The following TRMT2A variants were observed in gnomAD, a reference collection of about 807,000 sequenced individuals.
TRMT2A encodes the protein tRNA methyltransferase 2A, also known as tRNA (uracil-5-)-methyltransferase homolog A.
TRMT2A carries 60 observed loss-of-function variants against 59.3 expected under a neutral mutation model. The ratio of observed to expected loss-of-function variants is 1.01; its 90% CI spans 0.82 to 1.26. The LOEUF is 1.26. TRMT2A is among the 50% of genes most tolerant of loss of function. The pLI is 0.00. For synonymous variants in TRMT2A, 403 were observed against 353.7 expected (o/e 1.14, Z -1.56); for missense variants, 863 against 845.2 (o/e 1.02, Z -0.26).
At position 20,116,019 on chromosome 22, in the gene TRMT2A, G is replaced by A. The variant is rs771684569; in HGVS notation, c.599+19C>T. The A allele has an allele frequency of 1.7e-5, 26 of 1,539,372 alleles. No homozygotes were observed. The highest frequency in any genetic ancestry group is 8.7e-5 in the South Asian group (7 of 80,000). ...GGGCAGAGCCCTGGCCAAGAGGGGC[G>A]TCTTGCGCCCACACTCACTTGGCAA... On this transcript the variant is annotated intron_variant, in intron 2 of 11. Coordinates refer to ENST00000252136, the MANE Select transcript of TRMT2A (RefSeq NM_022727.6).
rs779252638 is a variant in TRMT2A at position 20,115,536 on chromosome 22, CAA to C, written c.709-91_709-90del. 8.9e-4 allele frequency: 1,398 copies of C among 1,566,228 alleles called. 3 individuals carry two copies. Among genetic ancestry groups the C allele is most frequent in the Non-Finnish European group, 1.1e-3 (1,244 of 1,148,208 alleles). On this transcript the variant is annotated intron_variant, in intron 3 of 11. Coordinates refer to ENST00000252136, the MANE Select transcript of TRMT2A (RefSeq NM_022727.6). Reference sequence around the variant, plus strand: ...TTCCCCACAGGGGCTGGCAGTCAAACAAGAGGAACAGCTGACAACTATGTGAT... The same window carrying C: ...TTCCCCACAGGGGCTGGCAGTCAAACGAGGAACAGCTGACAACTATGTGAT...
rs2050008041 is a variant in TRMT2A at position 20,116,118 on chromosome 22, G to A, written c.519C>T (p.Thr173=). 4.3e-6 allele frequency: 7 copies of A among 1,612,402 alleles called. No individual in the cohort carries two copies. The highest frequency in any genetic ancestry group is 1.7e-5 in the Admixed American group (1 of 59,954). Residue 173 remains threonine, a synonymous_variant, in exon 2 of 12, where the codon ACC becomes ACT. Transcript: ENST00000252136. Reference sequence around the variant, plus strand: ...CAGCATAGGGCACTGTCCATAGAGGGGTCACCACGTCGGCCACTCGTGTTA... The same window carrying A: ...CAGCATAGGGCACTGTCCATAGAGGAGTCACCACGTCGGCCACTCGTGTTA... ...PPVTRVADVV[T]PLWTVPYAEQ...
At chr22:20,116,822 G>A in intron 1 of TRMT2A, 61 bp downstream of exon 1, 1 of 1,408,404 alleles carries the variant, frequency 7.1e-7, no homozygotes, top group Non-Finnish European at 9.7e-7. Flanking sequence ...CAGGTTTCCT[G>A]ACCCACCCCG....
In TRMT2A at chr22:20,116,062, T is replaced by TC. The variant is rs1446309555; in HGVS notation, c.574dup (p.Glu192GlyfsTer47). The TC allele has an allele frequency of 6.4e-7, 1 of 1,569,470 alleles. No homozygotes were observed. The highest frequency in any genetic ancestry group is 1.8e-5 in the Admixed American group (1 of 55,894). On this transcript the variant is annotated frameshift_variant, in exon 2 of 12. Coordinates refer to ENST00000252136, the MANE Select transcript of TRMT2A (RefSeq NM_022727.6). LOFTEE classifies it high-confidence loss of function. ...CTTGGCAAGTTTCTGCAGCACCTGC[T>TC]CGCACTCCAGCTGCTTCCGCTCAAG...
rs561211958 is a variant in TRMT2A, at chr22:20,117,192, C to A, written c.-286G>T. 11 of 544,650 alleles carry A rather than the reference C, an allele frequency of 2.0e-5. No homozygotes were observed. The highest frequency in any genetic ancestry group is 8.1e-5 in the African/African-American group (4 of 49,556). 33.7% of individuals were successfully genotyped at this position (544,650 alleles called of 1,614,324 possible). A position where few individuals can be genotyped will look rare whatever the true frequency, so the allele number is the denominator to read the frequency against. Reference sequence around the variant, plus strand: ...CTCGCTTCGCCAGCCACTCTTAGTCCGCCAGCGCGTGCGGCGGAGGCCGAG... The same window carrying A: ...CTCGCTTCGCCAGCCACTCTTAGTCAGCCAGCGCGTGCGGCGGAGGCCGAG... On this transcript the variant is annotated 5_prime_UTR_variant, in exon 1 of 12. Transcript: ENST00000252136.
Position 20,116,447 on chromosome 22 carries a change from T to C in TRMT2A, c.190A>G (p.Arg64Gly). 2 of 1,612,832 alleles carry C rather than the reference T, an allele frequency of 1.2e-6. No individual in the cohort carries two copies. The highest frequency in any genetic ancestry group is 1.7e-5 in the Admixed American group (1 of 60,016). ...ATCTCAGAGGTAAACAAGTCATCCC[T>C]GATGTAGCTGTAGAGCCCGGGCTGA... ...GPQPGLYSYI[R>G]DDLFTSEIFK... Residue 64 changes from arginine (R) to glycine (G), a missense_variant, in exon 2 of 12, where the codon AGG (arginine) becomes GGG (glycine). By Grantham distance (125) the Arg-to-Gly change is moderately radical. Coordinates refer to ENST00000252136, the MANE Select transcript of TRMT2A (RefSeq NM_022727.6).
intron 9 of TRMT2A, 27 bp downstream of exon 9, chr22:20,113,405 A>ACCCCCCCCCC: frequency 6.7e-6 from 4 of 597,486 alleles, no homozygotes; most frequent in Non-Finnish European, 1.0e-5. Flanking sequence ...CCCCATCCCC[A>ACCCCCCCCCC]CCCCCACCCA....
In TRMT2A at chr22:20,114,836, A is replaced by G; in HGVS notation, c.1046T>C (p.Leu349Pro). 1.2e-6 allele frequency: 2 copies of G among 1,606,866 alleles called. No individual in the cohort carries two copies. Among genetic ancestry groups the G allele is most frequent in the Non-Finnish European group, 1.7e-6 (2 of 1,177,924 alleles). The change falls in exon 6 of 12, where the codon CTA (leucine) becomes CCA (proline). Residue 349 changes from leucine to proline, a missense_variant. Physicochemically the swap from Leu to Pro is moderately conservative, Grantham distance 98. Coordinates refer to ENST00000252136, the MANE Select transcript of TRMT2A (RefSeq NM_022727.6). The part of the protein sequence containing the change: ...PEELAELKTS[L>P]AQHFTAGPGR... ...TGGCCCTGCTGTGAAGTGCTGCGCT[A>G]GGGAGGTCTTCAGCTCTGCCAGCTC... is the stretch of plus-strand genomic sequence containing the variant.
At position 20,113,457 on chromosome 22, in the gene TRMT2A, G is replaced by A. The variant is rs565261087; in HGVS notation, c.1407C>T (p.Asp469=). Reference sequence around the variant, plus strand: ...CATTGTCCTGGGCGTTCACCCGGGCGTCCTCCACAGCCTCTGGGCATAGCT... The same window carrying A: ...CATTGTCCTGGGCGTTCACCCGGGCATCCTCCACAGCCTCTGGGCATAGCT... ...GVELCPEAVE[D]ARVNAQDNEL... is the part of the protein sequence containing the mutation. The change falls in exon 9 of 12, where the codon GAC becomes GAT. Residue 469 remains aspartate (D), a synonymous_variant. Coordinates refer to ENST00000252136, the MANE Select transcript of TRMT2A (RefSeq NM_022727.6). The A allele has an allele frequency of 4.4e-5, 71 of 1,612,620 alleles. No individual in the cohort carries two copies. The highest frequency in any genetic ancestry group is 1.6e-4 in the Middle Eastern group (1 of 6,080).
At chr22:20,115,604 G>A (rs953438887) in intron 3 of TRMT2A, 68 bp downstream of exon 3, 24 of 1,582,614 alleles carry the variant, frequency 1.5e-5, no homozygotes, top group Non-Finnish European at 2.0e-5. Flanking sequence ...TCAACAGGAA[G>A]GGTGAGCAAA....
In TRMT2A at chr22:20,112,779, T is replaced by C. The variant is rs764777861; in HGVS notation, c.1662A>G (p.Pro554=). The part of the protein sequence containing the change: ...MGNFVDLCRA[P]SNRVKGIPFR... The stretch of plus-strand genomic sequence containing the variant: ...AGGGAATGCCCTTCACCCGGTTAGA[T>C]GGGGCTCTGCAGAGGCTGTGGGGGG... Residue 554 remains proline (P), a synonymous_variant, in exon 12 of 12, where the codon CCA becomes CCG. Transcript: ENST00000252136. 4.3e-6 allele frequency: 7 copies of C among 1,613,122 alleles called. No homozygotes were observed. In the Admixed American group the frequency reaches 6.7e-5, roughly 15 times the overall value.
chr22:20,116,964 G>A lies in TRMT2A; in HGVS notation c.-58C>T. On this transcript the variant is annotated 5_prime_UTR_variant, in exon 1 of 12. It adds an upstream start codon to the 5' untranslated region. Transcript: ENST00000252136. ...GCCATGGGGGCCGCCTGGCCACCTC[G>A]TCCTGGGCCTGTCACAAGGGAAGTG... The A allele has an allele frequency of 6.4e-7, 1 of 1,560,740 alleles. No individual in the cohort carries two copies. The highest frequency in any genetic ancestry group is 8.7e-7 in the Non-Finnish European group (1 of 1,151,704).
At chr22:20,114,492 A>G in intron 7 of TRMT2A, 82 bp downstream of exon 7, 1 of 1,159,262 alleles carries the variant, frequency 8.6e-7, no homozygotes, top group Non-Finnish European at 1.3e-6. Flanking sequence ...TCACCGCCTG[A>G]GCCCACTGTT....
chr22:20,115,453 G>A lies in TRMT2A; in HGVS notation c.709-6C>T, dbSNP rs777102167. The stretch of plus-strand genomic sequence containing the variant: ...CACTTATTACGATACTCAGTCTGCA[G>A]GGAGAGAGAGCTGCACCTTACCCTG... On this transcript the variant is annotated splice_polypyrimidine_tract_variant and splice_region_variant and intron_variant, in intron 3 of 11. Coordinates refer to ENST00000252136, the MANE Select transcript of TRMT2A (RefSeq NM_022727.6). The A allele has an allele frequency of 3.7e-6, 6 of 1,601,370 alleles. No individual in the cohort carries two copies. In the East Asian group the frequency reaches 6.7e-5, roughly 18 times the overall value.
At chr22:20,116,825 C>T in intron 1 of TRMT2A, 58 bp downstream of exon 1, 3 of 1,439,226 alleles carry the variant, frequency 2.1e-6, no homozygotes, top group Admixed American at 3.7e-5. Flanking sequence ...GTTTCCTGAC[C>T]CACCCCGCCT....
chr22:20,114,421 C>T (rs1376525768), intron 7 of TRMT2A, among the ~76,000 whole-genome samples, 153 bp downstream of exon 7: 2 of 152,202 alleles, frequency 1.3e-5, no homozygotes, highest in African/African-American at 2.4e-5. Flanking sequence ...TCAGTGATGA[C>T]CAACCTCTTT....
Position 20,112,597 on chromosome 22 carries a change from G to A in TRMT2A, c.1844C>T (p.Thr615Ile), listed in dbSNP as rs1425874572. ...AQPTPGPPDN[T>I]LQETGTFPSS ...GGGGAAGGTCCCAGTTTCTTGTAGG[G>A]TGTTATCTGGGGGTCCTGGTGTGGG... Residue 615 changes from threonine to isoleucine, a missense_variant, in exon 12 of 12, where the codon ACC becomes ATC. Physicochemically the swap from Thr to Ile is moderately conservative, Grantham distance 89. Transcript: ENST00000252136. The A allele has an allele frequency of 6.2e-7, 1 of 1,614,070 alleles. No homozygotes were observed. The highest frequency in any genetic ancestry group is 1.1e-5 in the South Asian group (1 of 91,084).
At position 20,114,902 on chromosome 22, in the gene TRMT2A, A is replaced by G. The variant is rs371714750; in HGVS notation, c.1006-26T>C. The stretch of plus-strand genomic sequence containing the variant: ...CTGGAGTAAGTGGTGAAAAGTTCCC[A>G]TCAGGCTGTGCTGAGGCCCACCTAG... On this transcript the variant is annotated intron_variant, in intron 5 of 11. Coordinates refer to ENST00000252136, the MANE Select transcript of TRMT2A (RefSeq NM_022727.6). The G allele has an allele frequency of 5.1e-6, 8 of 1,572,002 alleles. No individual in the cohort carries two copies. In the African/African-American group the frequency reaches 5.4e-5, roughly 11 times the overall value.
At position 20,116,750 on chromosome 22, in the gene TRMT2A, G is replaced by T. The variant is rs371070782; in HGVS notation, c.24+133C>A. The T allele has an allele frequency of 6.4e-5, 74 of 1,156,194 alleles. No homozygotes were observed. The East Asian group carries it at 1.3e-3, about 20-fold the overall frequency. The allele number at this position is 1,156,194 out of a possible 1,614,324, so 71.6% of individuals were successfully genotyped here. On this transcript the variant is annotated intron_variant, in intron 1 of 11. Transcript: ENST00000252136. ...TGCCCCTCCCCCAGTCTACCCTCCC[G>T]ACCCCATTCCCGTCTCCTTTCCTCC...
Sources: gnomAD v4.1 joint callset for allele counts (sites outside exome capture counted in the v4.1 genomes callset) on GRCh38, gnomAD v4.1.1 for gene constraint, MANE v1.5 for transcripts, NCBI Gene and HGNC (gene_info 2026-07-23, HGNC 2026-07-21) for gene names.